Variants in NOP14 observed in about 807,000 individuals in gnomAD.
NOP14 encodes nucleolar protein 14.
NOP14 carries 57 observed loss-of-function variants against 101.6 expected under a neutral mutation model. The ratio of observed to expected loss-of-function variants is 0.56; its 90% CI spans 0.45 to 0.70. The LOEUF (loss-of-function observed/expected upper bound fraction) is 0.70. Ranked by LOEUF, NOP14 falls within the 30% of genes least tolerant of loss-of-function variation. The probability of loss-of-function intolerance (pLI) is 0.00; values close to 1 mark genes in which losing one functional copy is unlikely to be tolerated. For synonymous variants in NOP14, 428 were observed against 424.0 expected (o/e 1.01, Z -0.12); for missense variants, 1,134 against 1,075.5 (o/e 1.05, Z -0.76).
chr4:2,959,935 G>A (rs965024048), intron 1 of NOP14, among the ~76,000 whole-genome samples: 1 of 151,640 alleles, frequency 6.6e-6, no homozygotes, highest in Admixed American at 6.6e-5. Flanking sequence ...GATGAACTCT[G>A]TACGGACAGA....
chr4:2,942,486 A>T (rs1714284668), intron 13 of NOP14, 135 bp from the exon 14 acceptor site: 3 of 947,374 alleles, frequency 3.2e-6, no homozygotes, highest in Non-Finnish European at 1.6e-6. Context: ...GTTGTGCCAG[A>T]CACTGAGGGT....
In NOP14 at chr4:2,963,399, G is replaced by A; in HGVS notation, c.-80C>T. On this transcript the variant is annotated 5_prime_UTR_variant, in exon 1 of 18. Coordinates refer to ENST00000416614, the MANE Select transcript of NOP14 (RefSeq NM_001291978.2). ...GCTACCCTAAGACACGTGCCGGGCC[G>A]CGGAACCGCTTCCTCGTCTCGCGAG... 1 of 1,373,202 alleles carries A rather than the reference G, an allele frequency of 7.3e-7. No individual in the cohort carries two copies. The highest frequency in any genetic ancestry group is 1.5e-5 in the South Asian group (1 of 68,426). The allele number at this position is 1,373,202 out of a possible 1,614,324, so 85.1% of individuals were successfully genotyped here. A position where few individuals can be genotyped will look rare whatever the true frequency, so the allele number is the denominator to read the frequency against.
At chr4:2,958,435 C>G (rs1468748438) in intron 1 of NOP14, among the ~76,000 whole-genome samples, 3 of 152,206 alleles carry the variant, frequency 2.0e-5, no homozygotes, top group African/African-American at 7.2e-5. Context: ...GGCCACATTG[C>G]AAACTCTTTC....
chr4:2,959,667 G>A (rs1165423751), intron 1 of NOP14, among the ~76,000 whole-genome samples: 3 of 152,074 alleles, frequency 2.0e-5, no homozygotes, highest in Admixed American at 6.6e-5. Flanking sequence ...TAAAGACAGC[G>A]AGTGTCCCCA....
rs751451315 is a variant in NOP14 at position 2,939,567 on chromosome 4, G to C, written c.2278C>G (p.Pro760Ala). The C allele has an allele frequency of 3.1e-6, 5 of 1,613,988 alleles. No homozygotes were observed. Among genetic ancestry groups the C allele is most frequent in the Non-Finnish European group, 4.2e-6 (5 of 1,180,030 alleles). ...GGTGTGAAAAGCTTCAGTGGGACAG[G>C]CTTGCTCTTCTCACAGGTCAGCGGC... ...CRPLTCEKSK[P>A]VPLKLFTPRL... The change falls in exon 16 of 18, where the codon CCT becomes GCT. Residue 760 changes from proline to alanine, a missense_variant. Transcript: ENST00000416614.
In NOP14 at chr4:2,938,653, G is replaced by A. The variant is rs533575879; in HGVS notation, c.*178C>T. Reference sequence around the variant, plus strand: ...CCCGAGTAGTTGGGACTACAGGTGCGTGCCACCACACTTGGCTAATTTTTA... The same window carrying A: ...CCCGAGTAGTTGGGACTACAGGTGCATGCCACCACACTTGGCTAATTTTTA... On this transcript the variant is annotated 3_prime_UTR_variant, in exon 18 of 18. Transcript: ENST00000416614. 3.0e-4 allele frequency: 174 copies of A among 589,272 alleles called. 1 individual carries two copies. The highest frequency in any genetic ancestry group is 5.0e-4 in the South Asian group (24 of 48,068). The allele number at this position is 589,272 out of a possible 1,614,324, so 36.5% of individuals were successfully genotyped here.
At chr4:2,959,993 G>A (rs1715619198) in intron 1 of NOP14, among the ~76,000 whole-genome samples, 1 of 150,594 alleles carries the variant, frequency 6.6e-6, no homozygotes, top group African/African-American at 2.4e-5. Flanking sequence ...TTTTAAAGAT[G>A]GAATCTCGCT....
At chr4:2,940,662 T>C (rs1245988191) in intron 15 of NOP14, 2 of 152,400 alleles carry the variant, frequency 1.3e-5, no homozygotes, top group Admixed American at 6.5e-5. Context: ...CTCATGGAAC[T>C]CTCATCCTAG....
At chr4:2,946,751 G>T in intron 10 of NOP14, 1 of 567,082 alleles carries the variant, frequency 1.8e-6, no homozygotes, top group Non-Finnish European at 3.1e-6. Flanking sequence ...ATGGACTGGA[G>T]GTGGTGGGAG....
Position 2,939,193 on chromosome 4 carries a change from C to T in NOP14, c.2469G>A (p.Met823Ile). 6.2e-7 allele frequency: 1 copy of T among 1,613,952 alleles called. No individual in the cohort carries two copies. Among genetic ancestry groups the T allele is most frequent in the Non-Finnish European group, 8.5e-7 (1 of 1,180,032 alleles). ...CACACACACGTCCCCCTCACCGTTC[C>T]ATGATTTCTGAGAGTTGCATCCTCG... ...FLARMQLSEI[M>I]ERDAERKRKV... Residue 823 changes from methionine (M) to isoleucine (I), a missense_variant, in exon 17 of 18, where the codon ATG (methionine) becomes ATA (isoleucine). Physicochemically the swap from Met to Ile is conservative, Grantham distance 10 (BLOSUM62 1). Coordinates refer to ENST00000416614, the MANE Select transcript of NOP14 (RefSeq NM_001291978.2).
At chr4:2,940,957 C>G (rs896553602) in intron 15 of NOP14, 1 of 152,838 alleles carries the variant, frequency 6.5e-6, no homozygotes, top group Admixed American at 6.5e-5. Context: ...GGCACTGATG[C>G]CTTCGGCTCC....
Position 2,954,406 on chromosome 4 carries a change from G to T in NOP14, c.612+18C>A. ...GTCTTACCGTGGAGAAGATGATCAA[G>T]AACACTCACTAACCCACCTTCTCTT... On this transcript the variant is annotated intron_variant, in intron 4 of 17. Transcript: ENST00000416614. 2 of 1,612,856 alleles carry T rather than the reference G, an allele frequency of 1.2e-6. No homozygotes were observed. The highest frequency in any genetic ancestry group is 1.7e-6 in the Non-Finnish European group (2 of 1,179,280).
chr4:2,959,162 C>G (rs1715535874), intron 1 of NOP14, among the ~76,000 whole-genome samples: 1 of 152,234 alleles, frequency 6.6e-6, no homozygotes, highest in South Asian at 2.1e-4. Context: ...TCAATAAATA[C>G]TGCCAAGGCA....
chr4:2,941,538 T>C (rs545327880), intron 15 of NOP14, 44 bp downstream of exon 15: 54 of 1,595,800 alleles, frequency 3.4e-5, no homozygotes, highest in African/African-American at 2.0e-4. Flanking sequence ...CTCAGGGACA[T>C]GTCTGAGCCC....
At chr4:2,940,096 G>A (rs900859492) in intron 15 of NOP14, among the ~76,000 whole-genome samples, 4 of 152,258 alleles carry the variant, frequency 2.6e-5, no homozygotes, top group African/African-American at 9.6e-5. Flanking sequence ...CTAGAGCCCA[G>A]TGTGCAAACT....
intron 1 of NOP14, among the ~76,000 whole-genome samples, chr4:2,959,160 T>C (rs1715535649): frequency 1.3e-5 from 2 of 152,262 alleles, no homozygotes; most frequent in Admixed American, 6.5e-5. Flanking sequence ...GTTCAATAAA[T>C]ACTGCCAAGG....
rs368229670 is a variant in NOP14 at position 2,939,434 on chromosome 4, C to CATCT, written c.2318+89_2318+92dup. ...TGGGAGTGTGGCTTCACTCCGTAGT[C>CATCT]ATCTGCTCAACTGCAGAACTGGCAG... is the stretch of plus-strand genomic sequence containing the variant. On this transcript the variant is annotated intron_variant, in intron 16 of 17. Transcript: ENST00000416614. 1.1e-3 allele frequency: 1,813 copies of CATCT among 1,600,528 alleles called. 52 individuals are homozygous for CATCT. In the South Asian group the frequency reaches 0.019, roughly 16 times the overall value.
intron 7 of NOP14, 106 bp downstream of exon 7, chr4:2,951,008 A>G: frequency 9.2e-7 from 1 of 1,086,360 alleles, no homozygotes; most frequent in Admixed American, 2.3e-5. Context: ...ACTGGTTAAA[A>G]AGATTTAAAA....
chr4:2,951,224 G>A lies in NOP14; in HGVS notation c.892C>T (p.Leu298Phe). The A allele has an allele frequency of 2.5e-6, 4 of 1,613,692 alleles. No individual in the cohort carries two copies. Among genetic ancestry groups the A allele is most frequent in the Non-Finnish European group, 3.4e-6 (4 of 1,179,732 alleles). The change falls in exon 7 of 18, where the codon CTT (leucine) becomes TTT (phenylalanine). Residue 298 changes from leucine to phenylalanine, a missense_variant. By Grantham distance (22) the Leu-to-Phe change is conservative. Coordinates refer to ENST00000416614, the MANE Select transcript of NOP14 (RefSeq NM_001291978.2). ...KLEAERLRRMLGKDEDENVKK... is the reference protein window; with the variant it reads ...KLEAERLRRMFGKDEDENVKK... Reference sequence around the variant, plus strand: ...ACATTTTCATCCTCATCCTTTCCAAGCATTCTTCGAAGTCTCTCAGCCTGA... The same window carrying A: ...ACATTTTCATCCTCATCCTTTCCAAACATTCTTCGAAGTCTCTCAGCCTGA...
Sources: gnomAD v4.1 joint callset for allele counts (sites outside exome capture counted in the v4.1 genomes callset) on GRCh38, gnomAD v4.1.1 for gene constraint, MANE v1.5 for transcripts, NCBI Gene and HGNC (gene_info 2026-07-23, HGNC 2026-07-21) for gene names.